The following SNAPC1 variants were observed in gnomAD, a reference collection of about 807,000 sequenced individuals.
The protein encoded by SNAPC1 is small nuclear RNA activating complex polypeptide 1.
In SNAPC1, 42 loss-of-function variants were observed where a neutral mutation model predicts 50.1. That is an observed-to-expected ratio of 0.84 (90% confidence interval 0.65 to 1.08). The LOEUF is 1.08. SNAPC1 is among the 50% of genes least tolerant of loss of function. The pLI is 0.00. For missense variants in SNAPC1, 477 were observed against 427.3 expected, an observed-to-expected ratio of 1.12 and a Z score of -1.02; for synonymous variants, 164 against 144.2, an observed-to-expected ratio of 1.14 and a Z score of -0.98.
chr14:61,782,715 G>A (rs931684596), intron 8 of SNAPC1, among the ~76,000 whole-genome samples: 2 of 152,086 alleles, frequency 1.3e-5, no homozygotes, highest in African/African-American at 4.8e-5. Flanking sequence ...TTCAAGTCCA[G>A]CCTGGCCAAC....
At position 61,762,420 on chromosome 14, in the gene SNAPC1, A is replaced by AGAGGCGTGCGGGCTGCG; in HGVS notation, c.-27_-26insGCGGAGGCGTGCGGGCT. 2.2e-6 allele frequency: 3 copies of AGAGGCGTGCGGGCTGCG among 1,387,532 alleles called. No homozygotes were observed. The highest frequency in any genetic ancestry group is 2.4e-5 in the East Asian group (1 of 41,328). The allele number at this position is 1,387,532 out of a possible 1,614,324, so 86.0% of individuals were successfully genotyped here. A position where few individuals can be genotyped will look rare whatever the true frequency, so the allele number is the denominator to read the frequency against. On this transcript the variant is annotated 5_prime_UTR_variant, in exon 1 of 10. Coordinates refer to ENST00000216294, the MANE Select transcript of SNAPC1 (RefSeq NM_003082.4). ...GGCGACCACCGCTGGCTAGTCCGTT[A>AGAGGCGTGCGGGCTGCG]GAGGCGTGCGGGCTTCGGAGGCGTG...
chr14:61,769,248 C>A (rs1594643557), intron 4 of SNAPC1, among the ~76,000 whole-genome samples: 3 of 152,042 alleles, frequency 2.0e-5, no homozygotes, highest in South Asian at 2.1e-4. Flanking sequence ...GTCCCAGCTA[C>A]TGGGGAGGCT....
intron 5 of SNAPC1, among the ~76,000 whole-genome samples, chr14:61,777,377 T>A (rs1293153216): frequency 6.6e-6 from 1 of 152,168 alleles, no homozygotes; most frequent in Admixed American, 6.5e-5. Context: ...GTTAGTATTC[T>A]TTATGTATAT....
chr14:61,768,874 G>A (rs373619220), intron 4 of SNAPC1, 134 bp downstream of exon 4: 5 of 537,226 alleles, frequency 9.3e-6, no homozygotes, highest in Admixed American at 3.2e-5. Context: ...TATTTCTCTA[G>A]AGTATCAGAC....
At chr14:61,777,045 A>T (rs1375913738) in intron 5 of SNAPC1, among the ~76,000 whole-genome samples, 1 of 152,180 alleles carries the variant, frequency 6.6e-6, no homozygotes, top group Non-Finnish European at 1.5e-5. Context: ...TAAAGTAAGC[A>T]ATTTCTGATT....
At position 61,773,065 on chromosome 14, in the gene SNAPC1, C is replaced by T. The variant is rs529340053; in HGVS notation, c.535-3030C>T. ...TTAATACTTTTAAATTTTCCTTCTACTGCCTGCAACTGCTATTAAGTCTTC... is the reference window on the plus strand; with the variant it reads ...TTAATACTTTTAAATTTTCCTTCTATTGCCTGCAACTGCTATTAAGTCTTC... On this transcript the variant is annotated intron_variant, in intron 4 of 9. Coordinates refer to ENST00000216294, the MANE Select transcript of SNAPC1 (RefSeq NM_003082.4). Among the ~76,000 whole-genome samples, 3 of 152,300 alleles carry T rather than the reference C, an allele frequency of 2.0e-5. No individual in the cohort carries two copies. The East Asian group carries it at 5.8e-4, about 29-fold the overall frequency.
chr14:61,774,097 G>GAATGTCC (rs2045016003), intron 4 of SNAPC1, among the ~76,000 whole-genome samples: 1 of 151,656 alleles, frequency 6.6e-6, no homozygotes, highest in Admixed American at 6.6e-5. Context: ...CACTATGTTT[G>GAATGTCC]AATGTCCAAG....
At chr14:61,787,948 A>AT (rs1385797279) in intron 8 of SNAPC1, among the ~76,000 whole-genome samples, 1 of 152,184 alleles carries the variant, frequency 6.6e-6, no homozygotes, top group Non-Finnish European at 1.5e-5. Context: ...TGAAAAAAAA[A>AT]TTTTTTAATG....
At chr14:61,792,974 C>G (rs2045163691) in intron 9 of SNAPC1, 72 bp downstream of exon 9, 1 of 717,068 alleles carries the variant, frequency 1.4e-6, no homozygotes, top group Non-Finnish European at 2.4e-6. Context: ...GTTTAGAACC[C>G]TTGAGGAACA....
intron 1 of SNAPC1, among the ~76,000 whole-genome samples, chr14:61,766,642 T>A (rs1333542361): frequency 6.6e-6 from 1 of 152,252 alleles, no homozygotes; most frequent in Non-Finnish European, 1.5e-5. Context: ...ACCCCTTCCT[T>A]CTTGCTCTTC....
chr14:61,772,093 A>G (rs2044995359), intron 4 of SNAPC1, among the ~76,000 whole-genome samples: 1 of 146,122 alleles, frequency 6.8e-6, no homozygotes. Flanking sequence ...AGTTGGTTAC[A>G]ATTTCTTTTT....
rs559065601 is a variant in SNAPC1, at chr14:61,791,640, G to T, written c.977-1167G>T. ...AGGCAGGTGGATCACTTGAGGTCAGGAGTTTGAAACCAGCCTGGCCAGCAT... is the reference window on the plus strand; with the variant it reads ...AGGCAGGTGGATCACTTGAGGTCAGTAGTTTGAAACCAGCCTGGCCAGCAT... On this transcript the variant is annotated intron_variant, in intron 8 of 9. Coordinates refer to ENST00000216294, the MANE Select transcript of SNAPC1 (RefSeq NM_003082.4). Among the ~76,000 whole-genome samples, 7 of 152,262 alleles carry T rather than the reference G, an allele frequency of 4.6e-5. No individual in the cohort carries two copies. The South Asian group carries it at 1.5e-3, about 32-fold the overall frequency.
At position 61,780,220 on chromosome 14, in the gene SNAPC1, C is replaced by T. The variant is rs181290028; in HGVS notation, c.825+1310C>T. On this transcript the variant is annotated intron_variant, in intron 7 of 9. Coordinates refer to ENST00000216294, the MANE Select transcript of SNAPC1 (RefSeq NM_003082.4). ...TGTTTTGGGAGCCTACAGAGAGAATCAGCCACGAGGCTCACCATTCCTTAT... is the reference window on the plus strand; with the variant it reads ...TGTTTTGGGAGCCTACAGAGAGAATTAGCCACGAGGCTCACCATTCCTTAT... Among the ~76,000 whole-genome samples the T allele has an allele frequency of 5.3e-3, 800 of 152,272 alleles. 3 individuals are homozygous for T. The highest frequency in any genetic ancestry group is 0.013 in the Admixed American group (192 of 15,288).
intron 7 of SNAPC1, among the ~76,000 whole-genome samples, chr14:61,779,851 G>A (rs1459674076): frequency 6.6e-6 from 1 of 151,854 alleles, no homozygotes; most frequent in Non-Finnish European, 1.5e-5. Flanking sequence ...TGGGATTACA[G>A]GCATGCATCA....
chr14:61,793,580 TG>T (rs2045167650), intron 9 of SNAPC1, among the ~76,000 whole-genome samples: 1 of 151,920 alleles, frequency 6.6e-6, no homozygotes, highest in Non-Finnish European at 1.5e-5. Flanking sequence ...TTTTTTTACT[TG>T]TCTTTTCTCT....
intron 8 of SNAPC1, among the ~76,000 whole-genome samples, chr14:61,783,827 C>T (rs919275406): frequency 1.8e-4 from 27 of 152,180 alleles, no homozygotes; most frequent in African/African-American, 5.1e-4. Context: ...CGTGAGCCAC[C>T]GCACCTGGCA....
chr14:61,787,836 A>G (rs1354849192), intron 8 of SNAPC1, among the ~76,000 whole-genome samples: 2 of 152,230 alleles, frequency 1.3e-5, no homozygotes, highest in Non-Finnish European at 2.9e-5. Context: ...CATAAGTACC[A>G]AAGATAGTTA....
intron 5 of SNAPC1, among the ~76,000 whole-genome samples, chr14:61,776,459 TC>T (rs2045036120): frequency 6.6e-6 from 1 of 150,926 alleles, no homozygotes; most frequent in East Asian, 1.9e-4. Flanking sequence ...ATATGTATTT[TC>T]TTTTTTTTTT....
intron 6 of SNAPC1, 42 bp downstream of exon 6, chr14:61,778,182 C>T (rs780984854): frequency 8.6e-7 from 1 of 1,164,440 alleles, no homozygotes. Flanking sequence ...GGCTGTGATT[C>T]TGTATACTGA....
Sources: gnomAD v4.1 joint callset for allele counts (sites outside exome capture counted in the v4.1 genomes callset) on GRCh38, gnomAD v4.1.1 for gene constraint, MANE v1.5 for transcripts, NCBI Gene and HGNC (gene_info 2026-07-23, HGNC 2026-07-21) for gene names.